Variants in IQGAP2 observed in about 807,000 individuals in gnomAD.
IQGAP2 encodes the protein ras GTPase-activating-like protein IQGAP2.
Under a neutral mutation model 201.3 loss-of-function variants are expected in IQGAP2, and 173 were observed. The ratio of observed to expected loss-of-function variants is 0.86; its 90% confidence interval spans 0.76 to 0.98. The LOEUF (loss-of-function observed/expected upper bound fraction) is 0.98. Ranked by LOEUF, IQGAP2 falls within the 50% of genes least tolerant of loss-of-function variation. IQGAP2 has a pLI of 0.00. For synonymous variants in IQGAP2, 675 were observed against 673.9 expected, an observed-to-expected ratio of 1.00 and a Z score of -0.03; for missense variants, 1,687 against 1,864.8, an observed-to-expected ratio of 0.90 and a Z score of 1.76.
At chr5:76,603,926 G>GA (rs1747608926) in intron 11 of IQGAP2, among the ~76,000 whole-genome samples, 1 of 152,108 alleles carries the variant, frequency 6.6e-6, no homozygotes, top group South Asian at 2.1e-4. Context: ...GTACTGGAGA[G>GA]AAATACTCAA....
chr5:76,642,744 T>A (rs1751693013), intron 17 of IQGAP2, among the ~76,000 whole-genome samples: 1 of 152,110 alleles, frequency 6.6e-6, no homozygotes, highest in Admixed American at 6.6e-5. Flanking sequence ...ACAGTAGTCT[T>A]AACACATTTG....
At chr5:76,669,341 G>T (rs779734175) in intron 23 of IQGAP2, among the ~76,000 whole-genome samples, 2 of 152,168 alleles carry the variant, frequency 1.3e-5, no homozygotes, top group Non-Finnish European at 2.9e-5. Context: ...TCCCTAACTT[G>T]TGGAAACCTT....
chr5:76,528,519 A>C (rs1392623234), intron 2 of IQGAP2, among the ~76,000 whole-genome samples: 1 of 152,188 alleles, frequency 6.6e-6, no homozygotes, highest in Non-Finnish European at 1.5e-5. Context: ...CTCTTTTACA[A>C]AACCAGGAAC....
At chr5:76,413,156 C>CTTTTTTTTTTTTTTTTTTTTT (rs567410789) in intron 1 of IQGAP2, among the ~76,000 whole-genome samples, 3 of 83,720 alleles carry the variant, frequency 3.6e-5, no homozygotes, top group African/African-American at 5.2e-5. Context: ...TTTCTTTTCT[C>CTTTTTTTTTTTTTTTTTTTTT]TTTTTTTTTT....
chr5:76,585,640 G>A (rs1446380799), intron 5 of IQGAP2, among the ~76,000 whole-genome samples: 2 of 151,616 alleles, frequency 1.3e-5, no homozygotes, highest in African/African-American at 4.9e-5. Flanking sequence ...TCAGCCTCCC[G>A]AGTAGTTGGG....
At chr5:76,547,615 T>A (rs1369582414) in intron 2 of IQGAP2, among the ~76,000 whole-genome samples, 1 of 152,162 alleles carries the variant, frequency 6.6e-6, no homozygotes, top group Non-Finnish European at 1.5e-5. Context: ...AGTCTTAAGT[T>A]GTTATTTAGA....
chr5:76,563,964 G>A (rs1233300198), intron 3 of IQGAP2, among the ~76,000 whole-genome samples: 1 of 149,294 alleles, frequency 6.7e-6, no homozygotes, highest in East Asian at 1.9e-4. Context: ...AAGATTACTT[G>A]TCAAATTTAT....
chr5:76,427,505 G>T (rs188660886), intron 1 of IQGAP2, among the ~76,000 whole-genome samples: 1 of 152,164 alleles, frequency 6.6e-6, no homozygotes, highest in Non-Finnish European at 1.5e-5. Flanking sequence ...GATTATGCTT[G>T]TTCCCACAAC....
At chr5:76,417,078 G>T (rs138442080) in intron 1 of IQGAP2, among the ~76,000 whole-genome samples, 303 of 152,162 alleles carry the variant, frequency 2.0e-3, no homozygotes, top group African/African-American at 6.4e-3. Flanking sequence ...TGAAAAGTGG[G>T]TTTATGTTTA....
chr5:76,654,256 G>T lies in IQGAP2; in HGVS notation c.2235G>T (p.Gln745His), dbSNP rs769297993. 95 of 1,607,512 alleles carry T rather than the reference G, an allele frequency of 5.9e-5. No homozygotes were observed. Among genetic ancestry groups the T allele is most frequent in the Non-Finnish European group, 8.1e-5 (95 of 1,175,822 alleles). Reference sequence around the variant, plus strand: ...GAAAGAGCTATCTTTCAAGACTACAGTATTTCAGAGATCATGTAAGAAAAA... The same window carrying T: ...GAAAGAGCTATCTTTCAAGACTACATTATTTCAGAGATCATGTAAGAAAAA... ...TARKSYLSRL[Q>H]YFRDHNNEIV... The change falls in exon 19 of 36, where the codon CAG (glutamine) becomes CAT (histidine). Residue 745 changes from glutamine to histidine, a missense_variant. By Grantham distance (24) the Gln-to-His change is conservative. Transcript: ENST00000274364.
intron 14 of IQGAP2, among the ~76,000 whole-genome samples, chr5:76,629,695 C>A (rs925774441): frequency 6.6e-6 from 1 of 152,096 alleles, no homozygotes; most frequent in Admixed American, 6.5e-5. Context: ...TTTTTTCACT[C>A]CCTCCCTGCA....
intron 1 of IQGAP2, among the ~76,000 whole-genome samples, chr5:76,417,866 A>G (rs13157262): frequency 0.73 from 110,355 of 151,718 alleles, 41,370 homozygotes; most frequent in East Asian, 0.99. Flanking sequence ...ACAGGCATGA[A>G]CCATTGTGCC....
rs753157502 is a variant in IQGAP2, at chr5:76,589,663, A to G, written c.575A>G (p.Gln192Arg). 6.2e-7 allele frequency: 1 copy of G among 1,609,598 alleles called. No homozygotes were observed. Among genetic ancestry groups the G allele is most frequent in the Non-Finnish European group, 8.5e-7 (1 of 1,177,626 alleles). Reference sequence around the variant, plus strand: ...AAAGAACTTGAGAAATATGGAATACAGATGCCATCTTTCAGCAAAATAGGT... The same window carrying G: ...AAAGAACTTGAGAAATATGGAATACGGATGCCATCTTTCAGCAAAATAGGT... ...MRKELEKYGI[Q>R]MPSFSKIGGI... is the part of the protein sequence containing the mutation. Residue 192 changes from glutamine to arginine, a missense_variant, in exon 7 of 36, where the codon CAG (glutamine) becomes CGG (arginine). By Grantham distance (43) the Gln-to-Arg change is conservative (BLOSUM62 1). Coordinates refer to ENST00000274364, the MANE Select transcript of IQGAP2 (RefSeq NM_006633.5).
chr5:76,403,707 C>A lies in IQGAP2; in HGVS notation c.46+116C>A. 1.2e-6 allele frequency: 1 copy of A among 838,778 alleles called. No individual in the cohort carries two copies. Among genetic ancestry groups the A allele is most frequent in the Non-Finnish European group, 1.7e-6 (1 of 594,072 alleles). 52.0% of individuals were successfully genotyped at this position (838,778 alleles called of 1,614,324 possible). The stretch of plus-strand genomic sequence containing the variant: ...CGGCGCAGAGGAAATTGGAAGGCAG[C>A]AACTGCGCGGCTGGCAAAGTTGGGA... On this transcript the variant is annotated intron_variant, in intron 1 of 35. Coordinates refer to ENST00000274364, the MANE Select transcript of IQGAP2 (RefSeq NM_006633.5). This position sits in a 1 kb window ranked among gnomAD's most constrained non-coding sequence, Gnocchi z 4.8.
At chr5:76,606,468 A>T in intron 12 of IQGAP2, 165 bp downstream of exon 12, 1 of 446,384 alleles carries the variant, frequency 2.2e-6, no homozygotes, top group Middle Eastern at 4.4e-4. Context: ...TGCCTATACC[A>T]CTGTACCAAT....
At chr5:76,470,966 A>G (rs1000278335) in intron 2 of IQGAP2, among the ~76,000 whole-genome samples, 2 of 152,240 alleles carry the variant, frequency 1.3e-5, no homozygotes, top group African/African-American at 2.4e-5. Flanking sequence ...AACTTTTCCA[A>G]AAGAATTAGT....
chr5:76,668,860 T>C lies in IQGAP2; in HGVS notation c.2843+16T>C. On this transcript the variant is annotated intron_variant, in intron 23 of 35. Transcript: ENST00000274364. Reference sequence around the variant, plus strand: ...AAGAAATAAAGTATGTATACAAATATGTATGTAAAAATACCAGTGAATCAA... The same window carrying C: ...AAGAAATAAAGTATGTATACAAATACGTATGTAAAAATACCAGTGAATCAA... 6 of 1,508,984 alleles carry C rather than the reference T, an allele frequency of 4.0e-6. No individual in the cohort carries two copies. The highest frequency in any genetic ancestry group is 5.4e-6 in the Non-Finnish European group (6 of 1,112,604). 93.5% of individuals were successfully genotyped at this position (1,508,984 alleles called of 1,614,324 possible). A position where few individuals can be genotyped will look rare whatever the true frequency, so the allele number is the denominator to read the frequency against.
intron 2 of IQGAP2, among the ~76,000 whole-genome samples, chr5:76,482,952 A>G (rs951209609): frequency 6.6e-6 from 1 of 152,200 alleles, no homozygotes; most frequent in African/African-American, 2.4e-5. Context: ...CACCTTTCAC[A>G]CCTATATCCC....
chr5:76,686,787 G>A (rs569462961), intron 30 of IQGAP2, among the ~76,000 whole-genome samples: 11 of 152,296 alleles, frequency 7.2e-5, no homozygotes, highest in Middle Eastern at 3.4e-3. Flanking sequence ...GGGATTACAG[G>A]CGTGAGCCAC....
Sources: allele counts gnomAD v4.1 joint callset (sites outside exome capture counted in the v4.1 genomes callset), GRCh38; gene constraint gnomAD v4.1.1; non-coding constraint Gnocchi (gnomAD v3.1); transcripts MANE v1.5; gene names NCBI Gene and HGNC (gene_info 2026-07-23, HGNC 2026-07-21).